PKP2: variants seen among roughly 807,000 people sequenced by gnomAD.
The protein encoded by PKP2 is plakophilin-2.
Under a neutral mutation model 83.4 loss-of-function variants are expected in PKP2, and 73 were observed. That is an observed-to-expected ratio of 0.88 (90% CI 0.72 to 1.06). The LOEUF is 1.06. Among genes scored for constraint, PKP2 ranks in the 50% least tolerant of loss-of-function variants. PKP2 has a pLI of 0.00. For missense variants in PKP2, 966 were observed against 1,065.4 expected (o/e 0.91, Z 1.30); for synonymous variants, 409 against 430.4 (o/e 0.95, Z 0.62).
At chr12:32,870,683 C>T (rs1366175680) in intron 3 of PKP2, among the ~76,000 whole-genome samples, 2 of 152,132 alleles carry the variant, frequency 1.3e-5, no homozygotes, top group African/African-American at 4.8e-5. Flanking sequence ...TAAGTCTAGT[C>T]TCAAGCTCAA....
intron 6 of PKP2, among the ~76,000 whole-genome samples, chr12:32,836,409 G>C (rs1956545607): frequency 6.6e-6 from 1 of 152,214 alleles, no homozygotes; most frequent in African/African-American, 2.4e-5. Flanking sequence ...TCTCACCATA[G>C]AAGCTTCAGA....
chr12:32,822,557 G>C lies in PKP2; in HGVS notation c.1749C>G (p.Ser583=). The change falls in exon 8 of 13, where the codon TCC becomes TCG. Residue 583 remains serine, a synonymous_variant. Transcript: ENST00000340811. The part of the protein sequence containing the change: ...QLEAELPEKY[S]QNIYIQNRNI... Reference sequence around the variant, plus strand: ...TCCGGTTTTGAATATAGATATTCTGGGAATATTTCTCTGGGAGCTCTGCCT... The same window carrying C: ...TCCGGTTTTGAATATAGATATTCTGCGAATATTTCTCTGGGAGCTCTGCCT... 1 of 1,613,694 alleles carries C rather than the reference G, an allele frequency of 6.2e-7. No homozygotes were observed. The highest frequency in any genetic ancestry group is 8.5e-7 in the Non-Finnish European group (1 of 1,179,648).
intron 4 of PKP2, 125 bp from the exon 5 acceptor site, chr12:32,851,098 G>A: frequency 1.3e-6 from 1 of 773,636 alleles, no homozygotes; most frequent in Admixed American, 2.0e-5. Context: ...ACAACTATGT[G>A]TAGCACAACT....
chr12:32,860,614 C>T (rs775649851), intron 4 of PKP2, among the ~76,000 whole-genome samples: 10 of 152,244 alleles, frequency 6.6e-5, no homozygotes, highest in East Asian at 1.9e-4. Flanking sequence ...CTAATGCACG[C>T]GGGGCTTAAA....
intron 6 of PKP2, among the ~76,000 whole-genome samples, chr12:32,830,904 TAAAA>T (rs35463895): frequency 6.9e-6 from 1 of 145,458 alleles, no homozygotes; most frequent in Non-Finnish European, 1.5e-5. Context: ...AGACTGCATC[TAAAA>T]AAAAAAAAAA....
chr12:32,810,232 T>C (rs1047222396), intron 9 of PKP2, among the ~76,000 whole-genome samples: 1 of 152,250 alleles, frequency 6.6e-6, no homozygotes, highest in African/African-American at 2.4e-5. Context: ...ATTTCACCAT[T>C]GGTCAATGAA....
intron 6 of PKP2, among the ~76,000 whole-genome samples, chr12:32,827,446 GA>G (rs1956453316): frequency 6.6e-6 from 1 of 152,188 alleles, no homozygotes; most frequent in Admixed American, 6.5e-5. Context: ...TCATTAGACA[GA>G]AAGTAATTTG....
At chr12:32,876,821 C>T (rs1291397844) in intron 3 of PKP2, among the ~76,000 whole-genome samples, 2 of 152,222 alleles carry the variant, frequency 1.3e-5, no homozygotes, top group Non-Finnish European at 2.9e-5. Context: ...TGGGCCACTG[C>T]TCCCGGCTTA....
intron 4 of PKP2, among the ~76,000 whole-genome samples, chr12:32,857,931 A>G (rs1956763286): frequency 1.3e-5 from 2 of 150,456 alleles, no homozygotes; most frequent in African/African-American, 2.4e-5. Context: ...CCCAGTTTTT[A>G]AAAACTGGGA....
chr12:32,890,753 G>C (rs2137991708), intron 1 of PKP2, among the ~76,000 whole-genome samples: 1 of 152,200 alleles, frequency 6.6e-6, no homozygotes, highest in East Asian at 1.9e-4. Context: ...GAGGTCAGGA[G>C]TTCGAGACCA....
chr12:32,866,461 A>C (rs1789456627), intron 4 of PKP2, among the ~76,000 whole-genome samples: 1 of 149,676 alleles, frequency 6.7e-6, no homozygotes, highest in Non-Finnish European at 1.5e-5. Flanking sequence ...TGAGGTGGGA[A>C]GATCACTTGA....
chr12:32,810,891 C>T (rs1413423856), intron 9 of PKP2, among the ~76,000 whole-genome samples: 1 of 8,734 alleles, frequency 1.1e-4, no homozygotes, highest in Non-Finnish European at 8.8e-4. Flanking sequence ...CCGTTTTAGC[C>T]GGGATGGTCT....
In PKP2 at chr12:32,796,162, G is replaced by T; in HGVS notation, c.2304C>A (p.Asp768Glu). 1 of 1,614,138 alleles carries T rather than the reference G, an allele frequency of 6.2e-7. No individual in the cohort carries two copies. The highest frequency in any genetic ancestry group is 8.5e-7 in the Non-Finnish European group (1 of 1,180,008). The change falls in exon 11 of 13, where the codon GAC becomes GAA. Residue 768 changes from aspartate to glutamate, a missense_variant. Asp to Glu is a conservative substitution (Grantham distance 45, BLOSUM62 2). Transcript: ENST00000340811. ...TCTGGATGCCCCCGGTGTTTAGAAGGTCGCGTGCATTCTGGTAACTGTTTT... is the reference window on the plus strand; with the variant it reads ...TCTGGATGCCCCCGGTGTTTAGAAGTTCGCGTGCATTCTGGTAACTGTTTT... ...IIQNSYQNAR[D>E]LLNTGGIQKI...
intron 3 of PKP2, among the ~76,000 whole-genome samples, chr12:32,872,613 C>T (rs1956904219): frequency 6.6e-6 from 1 of 152,200 alleles, no homozygotes; most frequent in African/African-American, 2.4e-5. Context: ...TGCCAACTAA[C>T]AACACAGCCC....
At chr12:32,864,902 AG>A (rs1956832841) in intron 4 of PKP2, among the ~76,000 whole-genome samples, 1 of 152,204 alleles carries the variant, frequency 6.6e-6, no homozygotes, top group Non-Finnish European at 1.5e-5. Flanking sequence ...GATGATGAGA[AG>A]TTGGCCCCTT....
Position 32,866,063 on chromosome 12 carries a change from A to G in PKP2, c.1170+2864T>C, listed in dbSNP as rs139585258. Among the ~76,000 whole-genome samples, 271 of 152,262 alleles carry G rather than the reference A, an allele frequency of 1.8e-3. 3 individuals carry two copies. The highest frequency in any genetic ancestry group is 6.1e-3 in the African/African-American group (255 of 41,554). ...TTAAATCCCATTAAAATGAAAACCT[A>G]TTAGGAGAATGAAAAAACAGAGCAC... On this transcript the variant is annotated intron_variant, in intron 4 of 12. Transcript: ENST00000340811.
intron 4 of PKP2, among the ~76,000 whole-genome samples, chr12:32,865,681 C>CAAAAAAAA (rs765071380): frequency 2.9e-5 from 3 of 103,672 alleles, no homozygotes; most frequent in African/African-American, 1.1e-4. Flanking sequence ...GACTCCGTCT[C>CAAAAAAAA]AAAAAAAAAA....
chr12:32,815,209 A>G (rs911286529), intron 9 of PKP2, among the ~76,000 whole-genome samples: 2 of 152,218 alleles, frequency 1.3e-5, no homozygotes, highest in Non-Finnish European at 2.9e-5. Context: ...TGTAAAATTT[A>G]ATCTGATTAT....
intron 1 of PKP2, among the ~76,000 whole-genome samples, chr12:32,896,240 G>A (rs367685254): frequency 9.8e-5 from 15 of 152,342 alleles, no homozygotes; most frequent in African/African-American, 2.6e-4. Context: ...AGTAGAAAAA[G>A]AAAGGGGTGA....
Sources: allele counts gnomAD v4.1 joint callset (sites outside exome capture counted in the v4.1 genomes callset), GRCh38; gene constraint gnomAD v4.1.1; transcripts MANE v1.5; gene names NCBI Gene and HGNC (gene_info 2026-07-23, HGNC 2026-07-21).